The following EFNA5 variants were observed in gnomAD, a reference collection of about 807,000 sequenced individuals.
The protein encoded by EFNA5 is ephrin A5.
EFNA5 carries 5 observed loss-of-function variants against 22.9 expected under a neutral mutation model. That is an observed-to-expected ratio of 0.22 (90% confidence interval 0.11 to 0.46). The LOEUF is 0.46. Among genes scored for constraint, EFNA5 ranks in the 20% least tolerant of loss-of-function variants. The pLI, the probability that EFNA5 is intolerant of heterozygous loss-of-function variation, is 0.99. For missense variants in EFNA5, 237 were observed against 293.3 expected, an observed-to-expected ratio of 0.81 and a Z score of 1.40; for synonymous variants, 113 against 112.2, an observed-to-expected ratio of 1.01 and a Z score of -0.04.
At position 107,413,802 on chromosome 5, in the gene EFNA5, GAC is replaced by G. The variant is rs1748433723; in HGVS notation, c.418+13413_418+13414del. On this transcript the variant is annotated intron_variant, in intron 2 of 4. Transcript: ENST00000333274. ...GTCTAATTTACAGGTAAAGCAATGA[GAC>G]AATTTACTTGGTCAGGCAGAAGGAA... Among the ~76,000 whole-genome samples, 3 of 152,168 alleles carry G rather than the reference GAC, an allele frequency of 2.0e-5. No individual in the cohort carries two copies. The South Asian group carries it at 6.2e-4, about 31-fold the overall frequency.
chr5:107,447,513 T>C (rs569337384), intron 1 of EFNA5, among the ~76,000 whole-genome samples: 16 of 152,294 alleles, frequency 1.1e-4, no homozygotes, highest in Non-Finnish European at 2.1e-4. Context: ...AGTCCTGCCC[T>C]GGAGAAACTG....
Position 107,387,299 on chromosome 5 carries a change from A to G in EFNA5, c.501T>C (p.Thr167=), listed in dbSNP as rs752826821. 1.4e-5 allele frequency: 23 copies of G among 1,601,948 alleles called. No individual in the cohort carries two copies. The highest frequency in any genetic ancestry group is 2.0e-5 in the Non-Finnish European group (23 of 1,172,238). The part of the protein sequence containing the change: ...FVRPTNSCMK[T]IGVHDRVFDV... ...CGAAAACACGATCATGAACACCTAT[A>G]GTTTTCATACAGCTATCTATAACAA... The change falls in exon 4 of 5, where the codon ACT becomes ACC. Residue 167 remains threonine (T), a synonymous_variant. Coordinates refer to ENST00000333274, the MANE Select transcript of EFNA5 (RefSeq NM_001962.3).
At chr5:107,489,867 A>T (rs1419127910) in intron 1 of EFNA5, among the ~76,000 whole-genome samples, 2 of 152,190 alleles carry the variant, frequency 1.3e-5, no homozygotes, top group Non-Finnish European at 2.9e-5. Context: ...TGTGCTAGGA[A>T]TGCAACATCC....
intron 1 of EFNA5, among the ~76,000 whole-genome samples, chr5:107,635,132 T>C (rs901922237): frequency 2.6e-5 from 4 of 152,220 alleles, no homozygotes; most frequent in Non-Finnish European, 5.9e-5. Flanking sequence ...TCAGGTTTAG[T>C]CATGTCAAAT....
At chr5:107,396,552 C>A (rs1273117100) in intron 2 of EFNA5, among the ~76,000 whole-genome samples, 3 of 152,014 alleles carry the variant, frequency 2.0e-5, no homozygotes, top group Non-Finnish European at 4.4e-5. Flanking sequence ...GTTCTGAGTG[C>A]AAATATGGAG....
chr5:107,490,459 G>A (rs765433961), intron 1 of EFNA5, among the ~76,000 whole-genome samples: 16 of 152,044 alleles, frequency 1.1e-4, no homozygotes, highest in African/African-American at 2.4e-4. Flanking sequence ...CCTGAATTGC[G>A]TGACATTTTC....
chr5:107,408,561 GGATA>G (rs1748281139), intron 2 of EFNA5, among the ~76,000 whole-genome samples: 2 of 151,992 alleles, frequency 1.3e-5, no homozygotes, highest in African/African-American at 4.8e-5. Flanking sequence ...TTCCTCAAGG[GGATA>G]AAACCAACAT....
chr5:107,403,422 T>C (rs1748134986), intron 2 of EFNA5, among the ~76,000 whole-genome samples: 1 of 152,224 alleles, frequency 6.6e-6, no homozygotes, highest in Non-Finnish European at 1.5e-5. Flanking sequence ...CAAGCATCTA[T>C]GAGAGATTGA....
chr5:107,513,411 A>G (rs1379948904), intron 1 of EFNA5, among the ~76,000 whole-genome samples: 1 of 152,198 alleles, frequency 6.6e-6, no homozygotes, highest in African/African-American at 2.4e-5. Flanking sequence ...GCCCCATTTC[A>G]GAGCATGTCA....
chr5:107,431,410 C>T (rs1475143079), intron 1 of EFNA5, among the ~76,000 whole-genome samples: 1 of 152,196 alleles, frequency 6.6e-6, no homozygotes, highest in Admixed American at 6.5e-5. Flanking sequence ...TCTGGCCATA[C>T]TGTGAAGGAG....
chr5:107,645,252 T>C (rs1464961069), intron 1 of EFNA5, among the ~76,000 whole-genome samples: 2 of 152,312 alleles, frequency 1.3e-5, no homozygotes, highest in Middle Eastern at 3.4e-3. Flanking sequence ...CAAGGGGACA[T>C]AAAGATCAGT....
intron 1 of EFNA5, among the ~76,000 whole-genome samples, chr5:107,533,076 AT>A (rs1312232601): frequency 6.6e-6 from 1 of 152,066 alleles, no homozygotes; most frequent in East Asian, 1.9e-4. Flanking sequence ...TGTTTCCTGT[AT>A]TGGATGCCTT....
chr5:107,475,499 C>T (rs1750262323), intron 1 of EFNA5, among the ~76,000 whole-genome samples: 1 of 152,146 alleles, frequency 6.6e-6, no homozygotes, highest in East Asian at 1.9e-4. Context: ...CACCACTGTC[C>T]ACGTCAAAGG....
intron 1 of EFNA5, among the ~76,000 whole-genome samples, chr5:107,542,076 A>G (rs1580521006): frequency 6.6e-6 from 1 of 152,352 alleles, no homozygotes. Context: ...CATTTTGTTA[A>G]GATCTGATTA....
At chr5:107,655,703 A>G (rs1020376088) in intron 1 of EFNA5, among the ~76,000 whole-genome samples, 9 of 152,280 alleles carry the variant, frequency 5.9e-5, no homozygotes, top group East Asian at 1.9e-4. Context: ...TTTGCTATCC[A>G]TCTAAATAAC....
chr5:107,433,402 T>C (rs950506975), intron 1 of EFNA5, among the ~76,000 whole-genome samples: 1 of 152,190 alleles, frequency 6.6e-6, no homozygotes, highest in African/African-American at 2.4e-5. Flanking sequence ...TTATGGTAGT[T>C]CTTGATAAAC....
At chr5:107,646,214 G>A (rs1285068987) in intron 1 of EFNA5, among the ~76,000 whole-genome samples, 3 of 152,108 alleles carry the variant, frequency 2.0e-5, no homozygotes, top group African/African-American at 7.2e-5. Context: ...TAGTAATATT[G>A]TGTTGTATAC....
At chr5:107,584,537 A>G (rs985400149) in intron 1 of EFNA5, among the ~76,000 whole-genome samples, 7 of 152,302 alleles carry the variant, frequency 4.6e-5, no homozygotes, top group African/African-American at 1.7e-4. Context: ...TCTCTCAAAT[A>G]TTATTTTGGA....
intron 4 of EFNA5, 132 bp from the exon 5 acceptor site, chr5:107,381,508 T>G: frequency 9.7e-7 from 1 of 1,030,160 alleles, no homozygotes; most frequent in African/African-American, 1.6e-5. Context: ...CCATTGACTT[T>G]CATGTCTGCA....
Sources: gnomAD v4.1 joint callset for allele counts (sites outside exome capture counted in the v4.1 genomes callset) on GRCh38, gnomAD v4.1.1 for gene constraint, MANE v1.5 for transcripts, NCBI Gene and HGNC (gene_info 2026-07-23, HGNC 2026-07-21) for gene names.